Variants in LAMA2 observed in about 807,000 individuals in gnomAD.
LAMA2 encodes laminin subunit alpha-2.
LAMA2 carries 269 observed loss-of-function variants against 364.8 expected under a neutral mutation model. The observed-to-expected ratio is 0.74, with a 90% CI of 0.67 to 0.82. The LOEUF (loss-of-function observed/expected upper bound fraction) is 0.82, where lower values mean the gene tolerates loss of function less well. Among genes scored for constraint, LAMA2 ranks in the 40% least tolerant of loss-of-function variants. LAMA2 has a pLI of 0.00. For synonymous variants in LAMA2, 1,379 were observed against 1,370.6 expected, an observed-to-expected ratio of 1.01 and a Z score of -0.14; for missense variants, 3,807 against 3,873.2, an observed-to-expected ratio of 0.98 and a Z score of 0.45.
intron 1 of LAMA2, among the ~76,000 whole-genome samples, chr6:128,959,737 G>C (rs1187058445): frequency 6.6e-6 from 1 of 151,866 alleles, no homozygotes; most frequent in Non-Finnish European, 1.5e-5. Context: ...ACAAGTCTTA[G>C]TATTTCTTCC....
At chr6:129,476,647 A>G (rs1294639266) in intron 53 of LAMA2, among the ~76,000 whole-genome samples, 2 of 152,204 alleles carry the variant, frequency 1.3e-5, no homozygotes, top group African/African-American at 2.4e-5. Flanking sequence ...TTTAGTAACA[A>G]GACCTCTGAA....
chr6:129,175,622 G>A (rs1443904385), intron 9 of LAMA2, among the ~76,000 whole-genome samples: 9 of 152,062 alleles, frequency 5.9e-5, no homozygotes, highest in East Asian at 1.9e-4. Context: ...GTTCTTACTC[G>A]TAAGTGGGAG....
chr6:129,142,720 C>A (rs1232387235), intron 4 of LAMA2, among the ~76,000 whole-genome samples: 1 of 151,812 alleles, frequency 6.6e-6, no homozygotes, highest in East Asian at 1.9e-4. Flanking sequence ...ACAGTTATAC[C>A]TGTAAATGTA....
chr6:128,987,448 A>G (rs909798187), intron 1 of LAMA2, among the ~76,000 whole-genome samples: 1 of 151,990 alleles, frequency 6.6e-6, no homozygotes, highest in Non-Finnish European at 1.5e-5. Context: ...GCCAGGATAG[A>G]TTTCTAAAAG....
intron 28 of LAMA2, among the ~76,000 whole-genome samples, chr6:129,322,621 G>A (rs1016882706): frequency 1.2e-4 from 18 of 152,126 alleles, no homozygotes; most frequent in Non-Finnish European, 2.5e-4. Context: ...ATATTATTTT[G>A]CTATAGAAAA....
chr6:128,968,186 A>G (rs537459117), intron 1 of LAMA2, among the ~76,000 whole-genome samples: 1 of 152,324 alleles, frequency 6.6e-6, no homozygotes, highest in South Asian at 2.1e-4. Context: ...AAATGACCAC[A>G]ATTAAGCTGT....
intron 1 of LAMA2, among the ~76,000 whole-genome samples, chr6:128,934,977 G>A (rs1427513717): frequency 1.3e-5 from 2 of 152,000 alleles, no homozygotes; most frequent in African/African-American, 2.4e-5. Context: ...TTTCTTCAAT[G>A]TCTTATAGTT....
chr6:129,464,760 ATCT>A lies in LAMA2; in HGVS notation c.7155+313_7155+315del, dbSNP rs1783453587. On this transcript the variant is annotated intron_variant, in intron 50 of 64. Transcript: ENST00000421865. ...CATACAGCAGCAAAATGCTTCCTTA[ATCT>A]TCTTTCAGAGACCTGAGTTGAAAAG... is the stretch of plus-strand genomic sequence containing the variant. Among the ~76,000 whole-genome samples the A allele has an allele frequency of 2.0e-5, 3 of 152,054 alleles. No homozygotes were observed. In the South Asian group the frequency reaches 6.2e-4, roughly 32 times the overall value.
chr6:128,919,614 C>T (rs1477930195), intron 1 of LAMA2, among the ~76,000 whole-genome samples: 1 of 152,210 alleles, frequency 6.6e-6, no homozygotes, highest in East Asian at 1.9e-4. Context: ...AACTAGAAAT[C>T]ATCACTGTGG....
At chr6:129,342,516 T>C in intron 30 of LAMA2, 49 bp downstream of exon 30, 1 of 1,588,510 alleles carries the variant, frequency 6.3e-7, no homozygotes. Flanking sequence ...ACGCCATCTG[T>C]CTAGCACATG....
chr6:128,997,249 A>C (rs1377867574), intron 1 of LAMA2, among the ~76,000 whole-genome samples: 5 of 151,868 alleles, frequency 3.3e-5, no homozygotes, highest in Admixed American at 3.3e-4. Flanking sequence ...AAACCTGCAC[A>C]TTTTGCACAT....
At chr6:129,432,764 GT>G (rs777029608) in intron 41 of LAMA2, among the ~76,000 whole-genome samples, 19 of 152,198 alleles carry the variant, frequency 1.2e-4, no homozygotes, top group Non-Finnish European at 2.4e-4. Context: ...AAATGCAGGT[GT>G]TGATGTCTGG....
chr6:129,356,002 C>G (rs1434611189), intron 32 of LAMA2, among the ~76,000 whole-genome samples: 1 of 152,070 alleles, frequency 6.6e-6, no homozygotes, highest in Non-Finnish European at 1.5e-5. Flanking sequence ...ATATAAAATT[C>G]TGCTGAAGAG....
At chr6:129,183,235 C>A (rs772029216) in intron 10 of LAMA2, among the ~76,000 whole-genome samples, 19 of 151,908 alleles carry the variant, frequency 1.3e-4, no homozygotes, top group Non-Finnish European at 2.8e-4. Flanking sequence ...TTGTTTATTT[C>A]AAGTACCATA....
rs761152020 is a variant in LAMA2, at chr6:129,314,569, G to A, written c.3412-86G>A. 5.1e-5 allele frequency: 65 copies of A among 1,266,234 alleles called. No individual in the cohort carries two copies. The Admixed American group carries it at 6.8e-4, about 13-fold the overall frequency. 78.4% of individuals were successfully genotyped at this position (1,266,234 alleles called of 1,614,324 possible). The stretch of plus-strand genomic sequence containing the variant: ...TGTTTTGTTTTAAATTTTTTAAAAA[G>A]AGTATGCTCCCGTTATGCATTCTCA... On this transcript the variant is annotated intron_variant, in intron 23 of 64. Transcript: ENST00000421865.
chr6:129,253,970 ACTC>A (rs1786449086), intron 14 of LAMA2, among the ~76,000 whole-genome samples: 1 of 152,000 alleles, frequency 6.6e-6, no homozygotes, highest in South Asian at 2.1e-4. Context: ...CAAATTTGAA[ACTC>A]CTACCCACTC....
At chr6:128,917,053 T>C (rs1191303059) in intron 1 of LAMA2, among the ~76,000 whole-genome samples, 1 of 141,182 alleles carries the variant, frequency 7.1e-6, no homozygotes, top group Non-Finnish European at 1.5e-5. Flanking sequence ...ACCTGATTCT[T>C]TTCATTTTTT....
At chr6:129,059,393 T>C (rs1295540995) in intron 2 of LAMA2, among the ~76,000 whole-genome samples, 1 of 152,232 alleles carries the variant, frequency 6.6e-6, no homozygotes, top group Non-Finnish European at 1.5e-5. Flanking sequence ...GTTAACAAGG[T>C]TGATGGCATA....
At chr6:129,505,957 G>C (rs1786034973) in intron 61 of LAMA2, among the ~76,000 whole-genome samples, 2 of 152,160 alleles carry the variant, frequency 1.3e-5, no homozygotes, top group Non-Finnish European at 2.9e-5. Flanking sequence ...GTGTGTTTTG[G>C]AGCAAGTTAA....
Sources: allele counts gnomAD v4.1 joint callset (sites outside exome capture counted in the v4.1 genomes callset), GRCh38; gene constraint gnomAD v4.1.1; transcripts MANE v1.5; gene names NCBI Gene and HGNC (gene_info 2026-07-23, HGNC 2026-07-21).